The following BMP5 variants were observed in gnomAD, a reference collection of about 807,000 sequenced individuals.
BMP5 encodes the protein bone morphogenetic protein 5.
In BMP5, 23 loss-of-function variants were observed where a neutral mutation model predicts 46.6. The ratio of observed to expected loss-of-function variants is 0.49; its 90% CI spans 0.35 to 0.70. The LOEUF (loss-of-function observed/expected upper bound fraction) is 0.70. Among genes scored for constraint, BMP5 ranks in the 30% least tolerant of loss-of-function variants. The pLI is 0.00. For synonymous variants in BMP5, 204 were observed against 191.9 expected, an observed-to-expected ratio of 1.06 and a Z score of -0.52; for missense variants, 545 against 565.6, an observed-to-expected ratio of 0.96 and a Z score of 0.37.
At chr6:55,865,039 G>T (rs528467956) in intron 1 of BMP5, among the ~76,000 whole-genome samples, 1 of 152,166 alleles carries the variant, frequency 6.6e-6, no homozygotes, top group Admixed American at 6.5e-5. Context: ...CATAAATTCA[G>T]ACATGATTTG....
chr6:55,796,769 C>A (rs949127961), intron 2 of BMP5, among the ~76,000 whole-genome samples: 1 of 149,854 alleles, frequency 6.7e-6, no homozygotes, highest in African/African-American at 2.5e-5. Context: ...TTTGTTCTTG[C>A]GATAGTTTAC....
intron 3 of BMP5, among the ~76,000 whole-genome samples, chr6:55,778,047 C>A (rs934238280): frequency 9.2e-5 from 14 of 152,042 alleles, no homozygotes; most frequent in Non-Finnish European, 1.8e-4. Context: ...GTAGTACCAG[C>A]TCAAAGCTGA....
chr6:55,814,485 G>A (rs147182256), intron 2 of BMP5, among the ~76,000 whole-genome samples: 1 of 151,884 alleles, frequency 6.6e-6, no homozygotes, highest in African/African-American at 2.4e-5. Flanking sequence ...TTTCAGATTT[G>A]CAAACTGAGA....
At chr6:55,865,289 T>C (rs959450408) in intron 1 of BMP5, 3 of 370,736 alleles carry the variant, frequency 8.1e-6, no homozygotes, top group Middle Eastern at 4.3e-4. Flanking sequence ...AAATATCTTC[T>C]AATTGTATAT....
chr6:55,811,155 C>A (rs981154865), intron 2 of BMP5, among the ~76,000 whole-genome samples: 2 of 152,100 alleles, frequency 1.3e-5, no homozygotes, highest in Non-Finnish European at 2.9e-5. Context: ...TGTCAGAGTA[C>A]CTTCTGAAGT....
chr6:55,777,366 A>T (rs1775201741), intron 3 of BMP5, among the ~76,000 whole-genome samples: 3 of 152,006 alleles, frequency 2.0e-5, no homozygotes, highest in Non-Finnish European at 2.9e-5. Context: ...TATATAACTG[A>T]AGAAGCCTAC....
At chr6:55,804,021 C>A (rs1467080876) in intron 2 of BMP5, among the ~76,000 whole-genome samples, 2 of 152,148 alleles carry the variant, frequency 1.3e-5, no homozygotes, top group Non-Finnish European at 2.9e-5. Context: ...AAAGTCAAAT[C>A]CCTATAATAA....
chr6:55,781,607 A>T (rs567231089), intron 3 of BMP5, among the ~76,000 whole-genome samples: 139 of 140,246 alleles, frequency 9.9e-4, no homozygotes, highest in Middle Eastern at 3.6e-3. Context: ...ATTATTCCAA[A>T]TTTTTTTTTT....
intron 1 of BMP5, among the ~76,000 whole-genome samples, chr6:55,823,220 G>A (rs578210412): frequency 8.1e-4 from 123 of 152,168 alleles, no homozygotes; most frequent in African/African-American, 2.8e-3. Flanking sequence ...GCACTTAGAG[G>A]CTAGTTCATT....
At chr6:55,781,803 G>T (rs1319786160) in intron 3 of BMP5, among the ~76,000 whole-genome samples, 1 of 151,692 alleles carries the variant, frequency 6.6e-6, no homozygotes, top group East Asian at 2.0e-4. Flanking sequence ...TAGAGACAGG[G>T]TTTCACCATG....
At chr6:55,863,783 T>C (rs960542629) in intron 1 of BMP5, among the ~76,000 whole-genome samples, 17 of 152,340 alleles carry the variant, frequency 1.1e-4, no homozygotes, top group African/African-American at 3.6e-4. Flanking sequence ...TTTTCAGATA[T>C]GTTTCAATAA....
At chr6:55,830,181 G>T (rs1776631397) in intron 1 of BMP5, among the ~76,000 whole-genome samples, 1 of 152,048 alleles carries the variant, frequency 6.6e-6, no homozygotes, top group Non-Finnish European at 1.5e-5. Flanking sequence ...TGTATTTAAA[G>T]ATGTATTGTA....
intron 1 of BMP5, among the ~76,000 whole-genome samples, chr6:55,833,541 G>T (rs1776714057): frequency 6.6e-6 from 1 of 152,160 alleles, no homozygotes; most frequent in Admixed American, 6.6e-5. Flanking sequence ...AGGAAGCCAT[G>T]TAAATAATCA....
At chr6:55,755,744 A>C (rs1774576765) in intron 6 of BMP5, 62 bp from the exon 7 acceptor site, 2 of 1,479,188 alleles carry the variant, frequency 1.4e-6, no homozygotes, top group South Asian at 1.1e-5. Context: ...TTGCAGTTTT[A>C]AAATGGTATG....
At position 55,761,322 on chromosome 6, in the gene BMP5, T is replaced by C. The variant is rs182379240; in HGVS notation, c.1028-789A>G. On this transcript the variant is annotated intron_variant, in intron 4 of 6. Transcript: ENST00000370830. ...CCCTGCTTCTGCCCTTGCTCCTCTA[T>C]AGCAAACTAGTCAAGTGGACCTTTT... 3.4e-4 allele frequency among the ~76,000 whole-genome samples: 51 copies of C among 152,142 alleles called. No individual in the cohort carries two copies. The East Asian group carries it at 3.9e-3, about 12-fold the overall frequency.
chr6:55,794,259 A>T lies in BMP5; in HGVS notation c.832+20T>A. The stretch of plus-strand genomic sequence containing the variant: ...TGTCAAACAAGCTTCACAAAAAAAT[A>T]TATAAAATTCAGTGCTTACCATCCC... On this transcript the variant is annotated intron_variant, in intron 3 of 6. Transcript: ENST00000370830. 1 of 1,613,600 alleles carries T rather than the reference A, an allele frequency of 6.2e-7. No individual in the cohort carries two copies.
At chr6:55,842,142 T>A (rs1192124981) in intron 1 of BMP5, among the ~76,000 whole-genome samples, 1 of 152,192 alleles carries the variant, frequency 6.6e-6, no homozygotes, top group African/African-American at 2.4e-5. Context: ...TGTTGAGGTT[T>A]GTTCTGGAAG....
intron 1 of BMP5, among the ~76,000 whole-genome samples, chr6:55,837,404 GCAGA>G (rs1248403812): frequency 5.4e-5 from 8 of 147,224 alleles, no homozygotes; most frequent in African/African-American, 1.5e-4. Flanking sequence ...AGATAGGCAG[GCAGA>G]CAGACAGACA....
chr6:55,764,452 A>G (rs1774869109), intron 4 of BMP5, among the ~76,000 whole-genome samples: 1 of 152,014 alleles, frequency 6.6e-6, no homozygotes, highest in Non-Finnish European at 1.5e-5. Context: ...GGACGCCTGT[A>G]GTCCCAGCTA....
Sources: gnomAD v4.1 joint callset for allele counts (sites outside exome capture counted in the v4.1 genomes callset) on GRCh38, gnomAD v4.1.1 for gene constraint, MANE v1.5 for transcripts, NCBI Gene and HGNC (gene_info 2026-07-23, HGNC 2026-07-21) for gene names.